EMID1: variants seen among roughly 807,000 people sequenced by gnomAD.
EMID1 encodes the protein EMI domain-containing protein 1.
EMID1 carries 40 observed loss-of-function variants against 60.6 expected under a neutral mutation model. That is an observed-to-expected ratio of 0.66 (90% CI 0.51 to 0.86). The LOEUF (loss-of-function observed/expected upper bound fraction) is 0.86, where lower values mean the gene tolerates loss of function less well. EMID1 is among the 40% of genes least tolerant of loss of function. The pLI is 0.00. For synonymous variants in EMID1, 242 were observed against 231.0 expected, an observed-to-expected ratio of 1.05 and a Z score of -0.43; for missense variants, 585 against 597.1, an observed-to-expected ratio of 0.98 and a Z score of 0.21.
chr22:29,256,822 G>A (rs1382718896), intron 14 of EMID1, among the ~76,000 whole-genome samples: 1 of 152,142 alleles, frequency 6.6e-6, no homozygotes, highest in African/African-American at 2.4e-5. Flanking sequence ...GCAGCCTTGA[G>A]AGAGTCCTGC....
intron 3 of EMID1, among the ~76,000 whole-genome samples, chr22:29,221,904 CT>C (rs1482183385): frequency 1.3e-5 from 2 of 152,106 alleles, no homozygotes; most frequent in African/African-American, 4.8e-5. Context: ...AAACTCTTTT[CT>C]TTTTTTAATT....
intron 5 of EMID1, among the ~76,000 whole-genome samples, chr22:29,228,566 A>AT (rs2040613810): frequency 6.6e-6 from 1 of 152,062 alleles, no homozygotes; most frequent in African/African-American, 2.4e-5. Context: ...TTCTCTGGAA[A>AT]TTTATCTTTT....
At chr22:29,240,377 C>T (rs1303361798) in intron 12 of EMID1, among the ~76,000 whole-genome samples, 2 of 144,808 alleles carry the variant, frequency 1.4e-5, no homozygotes, top group African/African-American at 4.9e-5. Flanking sequence ...AGGGCTTGCA[C>T]GTCTGACATA....
intron 1 of EMID1, 54 bp from the exon 2 acceptor site, chr22:29,214,872 C>T: frequency 7.4e-7 from 1 of 1,353,136 alleles, no homozygotes; most frequent in Admixed American, 2.3e-5. Flanking sequence ...CCTGGAGTCC[C>T]CAGCAGGGGA....
chr22:29,226,642 A>G (rs2040522459), intron 5 of EMID1, 91 bp downstream of exon 5: 1 of 1,314,638 alleles, frequency 7.6e-7, no homozygotes, highest in Non-Finnish European at 1.0e-6. Flanking sequence ...CCTTCCCCGC[A>G]CCCCATGCTC....
At chr22:29,229,074 G>T (rs1038241807) in intron 5 of EMID1, among the ~76,000 whole-genome samples, 1 of 152,138 alleles carries the variant, frequency 6.6e-6, no homozygotes, top group Non-Finnish European at 1.5e-5. Context: ...GGGCATGGTG[G>T]CTCACACCTG....
At chr22:29,254,452 A>C in intron 14 of EMID1, 165 bp downstream of exon 14, 1 of 663,360 alleles carries the variant, frequency 1.5e-6, no homozygotes, top group Non-Finnish European at 2.6e-6. Flanking sequence ...TCCCTCAATG[A>C]CTGGTTCCCT....
rs2041014563 is a variant in EMID1 at position 29,237,920 on chromosome 22, A to C, written c.1074+3571A>C. On this transcript the variant is annotated intron_variant, in intron 12 of 14. Coordinates refer to ENST00000334018, the MANE Select transcript of EMID1 (RefSeq NM_133455.4). ...TGATTCTAGAATCGGGCAACACTTC[A>C]TTCCATAAAATAAAATAAGTGCTCC... Among the ~76,000 whole-genome samples, 2 of 144,962 alleles carry C rather than the reference A, an allele frequency of 1.4e-5. 1 individual carries two copies.
intron 12 of EMID1, among the ~76,000 whole-genome samples, chr22:29,236,151 C>T (rs561406811): frequency 1.8e-4 from 27 of 152,168 alleles, no homozygotes; most frequent in Non-Finnish European, 3.7e-4. Context: ...TCCAGCACTT[C>T]AGGAGGCCAA....
chr22:29,219,155 C>T (rs1004724093), intron 3 of EMID1, among the ~76,000 whole-genome samples: 2 of 152,212 alleles, frequency 1.3e-5, no homozygotes, highest in Admixed American at 6.5e-5. Flanking sequence ...AGCTCAAACC[C>T]GGTCAGTCTG....
At chr22:29,225,026 C>G in intron 3 of EMID1, 107 bp from the exon 4 acceptor site, 2 of 1,142,410 alleles carry the variant, frequency 1.8e-6, no homozygotes, top group Non-Finnish European at 2.6e-6. Flanking sequence ...CCTCTGTGTC[C>G]TACGCTGAGG....
At chr22:29,245,963 C>T (rs2041315716) in intron 13 of EMID1, among the ~76,000 whole-genome samples, 1 of 152,188 alleles carries the variant, frequency 6.6e-6, no homozygotes, top group Non-Finnish European at 1.5e-5. Flanking sequence ...TACACAGATG[C>T]AATTCAGACA....
chr22:29,216,057 G>T (rs1311451551), intron 3 of EMID1, among the ~76,000 whole-genome samples: 1 of 152,154 alleles, frequency 6.6e-6, no homozygotes, highest in Non-Finnish European at 1.5e-5. Flanking sequence ...GGCTCAGGAA[G>T]GGGAGGGGCA....
chr22:29,215,051 G>T lies in EMID1; in HGVS notation c.215+12G>T. Reference sequence around the variant, plus strand: ...TGTCCGGGGAGCAGGTAAATGAGGTGGAGAAGGAACTGATGGCATTCCAGG... The same window carrying T: ...TGTCCGGGGAGCAGGTAAATGAGGTTGAGAAGGAACTGATGGCATTCCAGG... On this transcript the variant is annotated intron_variant, in intron 2 of 14. Coordinates refer to ENST00000334018, the MANE Select transcript of EMID1 (RefSeq NM_133455.4). 6.6e-7 allele frequency: 1 copy of T among 1,525,722 alleles called. No individual in the cohort carries two copies. The highest frequency in any genetic ancestry group is 2.5e-5 in the East Asian group (1 of 40,436). 94.5% of individuals were successfully genotyped at this position (1,525,722 alleles called of 1,614,324 possible). A position where few individuals can be genotyped will look rare whatever the true frequency, so the allele number is the denominator to read the frequency against.
chr22:29,244,748 C>T (rs76708373), intron 13 of EMID1, among the ~76,000 whole-genome samples: 1,737 of 131,756 alleles, frequency 0.013, 28 homozygotes, highest in African/African-American at 0.041. Flanking sequence ...ACCCAAGAGA[C>T]GTGGGGGAAA....
intron 10 of EMID1, 41 bp downstream of exon 10, chr22:29,233,707 A>T: frequency 6.3e-7 from 1 of 1,586,008 alleles, no homozygotes; most frequent in Non-Finnish European, 8.6e-7. Flanking sequence ...GTGTCTGTCC[A>T]TCTTTCCATC....
chr22:29,254,039 C>A, intron 13 of EMID1, 164 bp from the exon 14 acceptor site: 1 of 985,456 alleles, frequency 1.0e-6, no homozygotes, highest in Non-Finnish European at 1.2e-6. Flanking sequence ...TGTCCCCCTC[C>A]TGTCCTCACC....
Position 29,236,952 on chromosome 22 carries a change from A to G in EMID1, c.1074+2603A>G, listed in dbSNP as rs1026594748. ...GCTGGGACTACAGGCGCCCACCACC[A>G]TACCTGGCTAATTTTTGTATTTTTA... On this transcript the variant is annotated intron_variant, in intron 12 of 14. Coordinates refer to ENST00000334018, the MANE Select transcript of EMID1 (RefSeq NM_133455.4). 1.1e-4 allele frequency among the ~76,000 whole-genome samples: 16 copies of G among 150,142 alleles called. No homozygotes were observed. The East Asian group carries it at 2.5e-3, about 23-fold the overall frequency.
intron 13 of EMID1, among the ~76,000 whole-genome samples, chr22:29,252,516 C>A (rs1403007079): frequency 6.6e-6 from 1 of 152,178 alleles, no homozygotes; most frequent in Non-Finnish European, 1.5e-5. Flanking sequence ...GATCTACATT[C>A]TGGAAATAGC....
Sources: allele counts gnomAD v4.1 joint callset (sites outside exome capture counted in the v4.1 genomes callset), GRCh38; gene constraint gnomAD v4.1.1; transcripts MANE v1.5; gene names NCBI Gene and HGNC (gene_info 2026-07-23, HGNC 2026-07-21).